ASH1L: variants seen among roughly 807,000 people sequenced by gnomAD.
ASH1L encodes histone-lysine N-methyltransferase ASH1L.
A neutral mutation model predicts 269.0 loss-of-function variants in ASH1L; 23 were observed. The observed-to-expected ratio is 0.09, with a 90% confidence interval of 0.06 to 0.12. The LOEUF is 0.12. Ranked by LOEUF, ASH1L falls within the 10% of genes least tolerant of loss-of-function variation. The probability of loss-of-function intolerance (pLI) is 1.00; values close to 1 mark genes in which losing one functional copy is unlikely to be tolerated. For missense variants in ASH1L, 2,912 were observed against 3,567.8 expected, an observed-to-expected ratio of 0.82 and a Z score of 4.68; for synonymous variants, 1,187 against 1,253.5, an observed-to-expected ratio of 0.95 and a Z score of 1.12.
At chr1:155,544,944 G>C (rs970299508) in intron 1 of ASH1L, among the ~76,000 whole-genome samples, 1 of 151,062 alleles carries the variant, frequency 6.6e-6, no homozygotes, top group Admixed American at 6.6e-5. Flanking sequence ...AGGCTGAGGC[G>C]GGCGGATCAC....
At chr1:155,360,740 G>A (rs1458180439) in intron 12 of ASH1L, among the ~76,000 whole-genome samples, 1 of 152,164 alleles carries the variant, frequency 6.6e-6, no homozygotes, top group East Asian at 1.9e-4. Flanking sequence ...ACCACGCCTG[G>A]CCTCCACTTT....
At chr1:155,514,280 GA>G (rs1350749004) in intron 2 of ASH1L, among the ~76,000 whole-genome samples, 1 of 152,098 alleles carries the variant, frequency 6.6e-6, no homozygotes, top group African/African-American at 2.4e-5. Flanking sequence ...GGTTAAAATG[GA>G]AAAAGTTCAG....
chr1:155,429,862 C>T (rs978661824), intron 5 of ASH1L, among the ~76,000 whole-genome samples: 1 of 152,092 alleles, frequency 6.6e-6, no homozygotes, highest in Non-Finnish European at 1.5e-5. Flanking sequence ...TGTGGTGGCA[C>T]GATTATGGCT....
chr1:155,470,320 A>G (rs1665002439), intron 3 of ASH1L, among the ~76,000 whole-genome samples: 1 of 151,912 alleles, frequency 6.6e-6, no homozygotes, highest in Non-Finnish European at 1.5e-5. Context: ...TTAGCTGGGC[A>G]TGGTGGCACA....
At chr1:155,397,791 A>T (rs2148490450) in intron 6 of ASH1L, among the ~76,000 whole-genome samples, 1 of 152,224 alleles carries the variant, frequency 6.6e-6, no homozygotes, top group Admixed American at 6.5e-5. Flanking sequence ...TGAACTCCTG[A>T]CCTCAGGTGA....
chr1:155,562,442 C>CGGCAGCAGCAGAGTGGCGGCGGT lies in ASH1L; in HGVS notation c.-412_-390dup, dbSNP rs1672075752. On this transcript the variant is annotated 5_prime_UTR_variant, in exon 1 of 28. Coordinates refer to ENST00000392403, the MANE Select transcript of ASH1L (RefSeq NM_018489.3). ...GCGGCGGGAGCGGCGGCGGCGGCGG[C>CGGCAGCAGCAGAGTGGCGGCGGT]GGCAGCAGCAGAGTGGCGGCGGTGG... is the stretch of plus-strand genomic sequence containing the variant. The CGGCAGCAGCAGAGTGGCGGCGGT allele has an allele frequency of 2.0e-6, 3 of 1,468,292 alleles. No homozygotes were observed. Among genetic ancestry groups the CGGCAGCAGCAGAGTGGCGGCGGT allele is most frequent in the South Asian group, 2.4e-5 (2 of 82,596 alleles). 91.0% of individuals were successfully genotyped at this position (1,468,292 alleles called of 1,614,324 possible).
chr1:155,508,365 C>A (rs1667949391), intron 2 of ASH1L, among the ~76,000 whole-genome samples: 1 of 152,130 alleles, frequency 6.6e-6, no homozygotes, highest in South Asian at 2.1e-4. Flanking sequence ...TGAGTCCAAG[C>A]ATGGTGGCTC....
intron 12 of ASH1L, among the ~76,000 whole-genome samples, chr1:155,361,067 C>T (rs1302966794): frequency 2.0e-5 from 3 of 151,810 alleles, no homozygotes; most frequent in Admixed American, 1.3e-4. Flanking sequence ...AGGGCAAAAC[C>T]GTCTCTACTA....
intron 6 of ASH1L, among the ~76,000 whole-genome samples, chr1:155,398,873 AC>A (rs1227554732): frequency 1.3e-5 from 2 of 151,942 alleles, no homozygotes; most frequent in Admixed American, 1.3e-4. Flanking sequence ...GGTGCATGCT[AC>A]CACGAAGGGA....
At chr1:155,363,951 C>T (rs1392481740) in intron 12 of ASH1L, among the ~76,000 whole-genome samples, 2 of 151,308 alleles carry the variant, frequency 1.3e-5, no homozygotes, top group African/African-American at 2.4e-5. Flanking sequence ...CCAGCCTGGG[C>T]GACAGAGCAA....
chr1:155,554,789 T>C (rs182706579), intron 1 of ASH1L, among the ~76,000 whole-genome samples: 151 of 152,292 alleles, frequency 9.9e-4, no homozygotes, highest in African/African-American at 3.5e-3. Flanking sequence ...GGAAAAATGT[T>C]AGTCAGTGGA....
At chr1:155,433,891 C>T (rs769377288) in intron 5 of ASH1L, 36 of 1,599,636 alleles carry the variant, frequency 2.3e-5, no homozygotes, top group South Asian at 7.9e-5. Context: ...GAACCAGTAT[C>T]GAGAACCGAG....
chr1:155,501,476 T>C (rs1359806370), intron 2 of ASH1L, among the ~76,000 whole-genome samples: 4 of 152,110 alleles, frequency 2.6e-5, no homozygotes, highest in African/African-American at 9.7e-5. Flanking sequence ...TTTCAAGTGA[T>C]TATCGTACTC....
chr1:155,429,180 G>T (rs1189914736), intron 5 of ASH1L, among the ~76,000 whole-genome samples: 2 of 152,148 alleles, frequency 1.3e-5, no homozygotes, highest in Non-Finnish European at 2.9e-5. Context: ...TAAAACTACA[G>T]CAACATGCAT....
At position 155,357,398 on chromosome 1, in the gene ASH1L, A is replaced by C; in HGVS notation, c.6973T>G (p.Ser2325Ala). The change falls in exon 15 of 28, where the codon TCT (serine) becomes GCT (alanine). Residue 2325 changes from serine (S) to alanine (A), a missense_variant. Physicochemically the swap from Ser to Ala is moderately conservative, Grantham distance 99. Coordinates refer to ENST00000392403, the MANE Select transcript of ASH1L (RefSeq NM_018489.3). Reference sequence around the variant, plus strand: ...TTGATATTTTCACTGGGTTCCTCAGAGAGATGGCCTCTCTGAAAAAGAGAT... The same window carrying C: ...TTGATATTTTCACTGGGTTCCTCAGCGAGATGGCCTCTCTGAAAAAGAGAT... ...HKLKKRRGHL[S>A]EEPSENINTP... The C allele has an allele frequency of 1.9e-6, 3 of 1,613,472 alleles. No homozygotes were observed. The highest frequency in any genetic ancestry group is 2.5e-6 in the Non-Finnish European group (3 of 1,179,526).
At position 155,478,486 on chromosome 1, in the gene ASH1L, A is replaced by C. The variant is rs371385666; in HGVS notation, c.4384T>G (p.Ser1462Ala). 1 of 1,614,064 alleles carries C rather than the reference A, an allele frequency of 6.2e-7. No individual in the cohort carries two copies. The highest frequency in any genetic ancestry group is 1.1e-5 in the South Asian group (1 of 91,070). The change falls in exon 3 of 28, where the codon TCC (serine) becomes GCC (alanine). Residue 1462 changes from serine to alanine, a missense_variant. By Grantham distance (99) the Ser-to-Ala change is moderately conservative (BLOSUM62 1). Around this residue, in one of 13 missense-constraint regions of ASH1L, gnomAD observed 789 missense variants for 897.6 expected, o/e 0.88. Transcript: ENST00000392403. This position sits in a 1 kb window ranked among gnomAD's most constrained non-coding sequence, Gnocchi z 4.6. The part of the protein sequence containing the change: ...FLTTSRTPLL[S>A]MSTYPSVPPE... ...GGAACACTGGGGTAGGTACTCATGG[A>C]AAGGAGGGGAGTCCTGCTGGTTGTA...
chr1:155,438,577 C>T lies in ASH1L; in HGVS notation c.5578G>A (p.Ala1860Thr), dbSNP rs752491383. ...TGGAATGCTTGCATTGATACGACAG[C>T]CTGAAGGGGACATTTCCGAGGTCGA... ...PGRPRKCPLQAVVSMQAFQAA... is the reference protein window; with the variant it reads ...PGRPRKCPLQTVVSMQAFQAA... The change falls in exon 5 of 28, where the codon GCT (alanine) becomes ACT (threonine). Residue 1860 changes from alanine (A) to threonine (T), a missense_variant. Transcript: ENST00000392403. 11 of 1,614,082 alleles carry T rather than the reference C, an allele frequency of 6.8e-6. No homozygotes were observed. The Admixed American group carries it at 1.2e-4, about 17-fold the overall frequency.
intron 6 of ASH1L, among the ~76,000 whole-genome samples, chr1:155,407,523 C>T (rs986996400): frequency 6.6e-6 from 1 of 152,082 alleles, no homozygotes; most frequent in Non-Finnish European, 1.5e-5. Flanking sequence ...ATTAGAACAA[C>T]CCTTCCTTAC....
intron 5 of ASH1L, among the ~76,000 whole-genome samples, chr1:155,428,452 A>ATAT (rs571857079): frequency 6.6e-6 from 1 of 150,684 alleles, no homozygotes. Context: ...CAAAAAAAAA[A>ATAT]ATATATATAT....
Sources: allele counts gnomAD v4.1 joint callset (sites outside exome capture counted in the v4.1 genomes callset), GRCh38; gene constraint gnomAD v4.1.1; regional missense constraint gnomAD v4.1.1; non-coding constraint Gnocchi (gnomAD v3.1); transcripts MANE v1.5; gene names NCBI Gene and HGNC (gene_info 2026-07-23, HGNC 2026-07-21).